The following CCDC73 variants were observed in gnomAD, a reference collection of about 807,000 sequenced individuals.
The protein encoded by CCDC73 is coiled-coil domain-containing protein 73.
CCDC73 carries 95 observed loss-of-function variants against 116.5 expected under a neutral mutation model. That is an observed-to-expected ratio of 0.82 (90% CI 0.69 to 0.97). The LOEUF (loss-of-function observed/expected upper bound fraction) is 0.97. Among genes scored for constraint, CCDC73 ranks in the 50% least tolerant of loss-of-function variants. CCDC73 has a pLI of 0.00. For synonymous variants in CCDC73, 398 were observed against 401.3 expected, an observed-to-expected ratio of 0.99 and a Z score of 0.10; for missense variants, 1,066 against 1,206.8, an observed-to-expected ratio of 0.88 and a Z score of 1.73.
At chr11:32,730,633 G>T (rs1238190291) in intron 2 of CCDC73, among the ~76,000 whole-genome samples, 1 of 151,944 alleles carries the variant, frequency 6.6e-6, no homozygotes, top group Non-Finnish European at 1.5e-5. Context: ...ATGTATCTGG[G>T]TATTTTCTGT....
At chr11:32,651,337 C>T (rs141918820) in intron 12 of CCDC73, among the ~76,000 whole-genome samples, 11 of 152,348 alleles carry the variant, frequency 7.2e-5, no homozygotes, top group African/African-American at 2.6e-4. Flanking sequence ...ACAAAGACAA[C>T]TGTTGTTATG....
chr11:32,782,886 G>A (rs1176298059), intron 1 of CCDC73, among the ~76,000 whole-genome samples: 4 of 151,838 alleles, frequency 2.6e-5, no homozygotes, highest in African/African-American at 9.7e-5. Flanking sequence ...GCAAAAAGAA[G>A]CAAAAAACCA....
intron 2 of CCDC73, among the ~76,000 whole-genome samples, chr11:32,734,425 CTTTT>C (rs34093038): frequency 3.0e-5 from 4 of 131,360 alleles, no homozygotes; most frequent in Admixed American, 7.8e-5. Flanking sequence ...ATTTTTTTTT[CTTTT>C]TTTTTTTTTT....
chr11:32,810,537 C>T, the CCDC73 span, among the ~76,000 whole-genome samples: 4 of 152,144 alleles, frequency 2.6e-5, no homozygotes, highest in Admixed American at 1.3e-4. Context: ...TAATTCAGCA[C>T]GCCCTTTAAA....
chr11:32,780,012 G>T, intron 1 of CCDC73, among the ~76,000 whole-genome samples: 1 of 152,242 alleles, frequency 6.6e-6, no homozygotes, highest in Middle Eastern at 3.4e-3. Context: ...AGTAACTCAC[G>T]CCTGTAACCT....
chr11:32,670,684 T>A (rs1278119715), intron 9 of CCDC73, among the ~76,000 whole-genome samples: 1 of 152,142 alleles, frequency 6.6e-6, no homozygotes, highest in Non-Finnish European at 1.5e-5. Context: ...TTTCTAAAAG[T>A]TTTTTCCTCT....
intron 12 of CCDC73, among the ~76,000 whole-genome samples, chr11:32,643,147 T>C (rs904372768): frequency 2.0e-5 from 3 of 151,996 alleles, no homozygotes; most frequent in Non-Finnish European, 4.4e-5. Context: ...TAGAGAATTC[T>C]CAATTACATC....
intron 17 of CCDC73, chr11:32,603,888 A>C (rs1170297970): frequency 1.3e-5 from 2 of 152,248 alleles, no homozygotes; most frequent in Non-Finnish European, 2.9e-5. Context: ...TAGCCTGAGC[A>C]ACATGGCAAA....
chr11:32,691,920 T>C (rs7104426), intron 6 of CCDC73, among the ~76,000 whole-genome samples: 88,569 of 150,776 alleles, frequency 0.59, 26,235 homozygotes, highest in East Asian at 0.84. Flanking sequence ...TGGTGGCAGG[T>C]GCCTGTAGTC....
intron 7 of CCDC73, among the ~76,000 whole-genome samples, chr11:32,677,023 T>C (rs990854424): frequency 1.3e-5 from 2 of 152,204 alleles, no homozygotes; most frequent in East Asian, 3.8e-4. Flanking sequence ...TTGTTAGAAG[T>C]TTTTTATCTT....
chr11:32,818,790 A>G, the CCDC73 span, among the ~76,000 whole-genome samples: 1 of 152,218 alleles, frequency 6.6e-6, no homozygotes, highest in Non-Finnish European at 1.5e-5. Flanking sequence ...ACATTATTCT[A>G]AGAGAAACAA....
intron 6 of CCDC73, among the ~76,000 whole-genome samples, chr11:32,694,545 G>A (rs913288639): frequency 1.3e-5 from 2 of 152,088 alleles, no homozygotes; most frequent in African/African-American, 4.8e-5. Context: ...GTTTACCTGT[G>A]TAACAAACCT....
the CCDC73 span, among the ~76,000 whole-genome samples, chr11:32,809,224 T>G: frequency 6.6e-6 from 1 of 152,256 alleles, no homozygotes; most frequent in Admixed American, 6.5e-5. Context: ...ACCTGTGTTC[T>G]TGTGTGCAAG....
chr11:32,683,578 GA>G lies in CCDC73; in HGVS notation c.391-5del. The G allele has an allele frequency of 1.4e-6, 2 of 1,461,242 alleles. No homozygotes were observed. Among genetic ancestry groups the G allele is most frequent in the Non-Finnish European group, 1.9e-6 (2 of 1,054,398 alleles). The allele number at this position is 1,461,242 out of a possible 1,614,324, so 90.5% of individuals were successfully genotyped here. A position where few individuals can be genotyped will look rare whatever the true frequency, so the allele number is the denominator to read the frequency against. The stretch of plus-strand genomic sequence containing the variant: ...TCTGTAAAGAGTATTTAGAAACCTT[GA>G]AAAATAAGGGGGAAAAATCTCATTA... On this transcript the variant is annotated splice_polypyrimidine_tract_variant and splice_region_variant and intron_variant, in intron 6 of 17. Transcript: ENST00000335185.
intron 2 of CCDC73, among the ~76,000 whole-genome samples, chr11:32,723,833 T>C (rs1287632744): frequency 6.8e-6 from 1 of 147,808 alleles, no homozygotes; most frequent in African/African-American, 2.7e-5. Context: ...AGAGACAACA[T>C]TTTTTATTAA....
chr11:32,623,102 G>A (rs570680914), intron 14 of CCDC73, among the ~76,000 whole-genome samples: 4 of 151,870 alleles, frequency 2.6e-5, no homozygotes, highest in Admixed American at 2.0e-4. Flanking sequence ...TCTGCCTTCC[G>A]GTTTCAAGTG....
At chr11:32,798,936 A>G, upstream of CCDC73, among the ~76,000 whole-genome samples, 4 of 147,766 alleles carry the variant, frequency 2.7e-5, no homozygotes, top group Admixed American at 6.9e-5. Context: ...GTTGAGACAG[A>G]GTCTCATTTT....
At chr11:32,789,941 C>T (rs1316236555) in intron 1 of CCDC73, among the ~76,000 whole-genome samples, 1 of 151,884 alleles carries the variant, frequency 6.6e-6, no homozygotes, top group African/African-American at 2.4e-5. Flanking sequence ...GACTTCTGGG[C>T]TAAGATTTAA....
intron 1 of CCDC73, among the ~76,000 whole-genome samples, chr11:32,784,958 G>C (rs1850614325): frequency 6.6e-6 from 1 of 152,164 alleles, no homozygotes; most frequent in Non-Finnish European, 1.5e-5. Context: ...CGGATCATTT[G>C]AGGTCAGGAG....
Sources: allele counts gnomAD v4.1 joint callset (sites outside exome capture counted in the v4.1 genomes callset), GRCh38; gene constraint gnomAD v4.1.1; transcripts MANE v1.5; gene names NCBI Gene and HGNC (gene_info 2026-07-23, HGNC 2026-07-21).